ATP5F1C: variants seen among roughly 807,000 people sequenced by gnomAD.
ATP5F1C encodes ATP synthase F(1) complex subunit gamma, mitochondrial.
Under a neutral mutation model 37.4 loss-of-function variants are expected in ATP5F1C, and 22 were observed. The ratio of observed to expected loss-of-function variants is 0.59; its 90% CI spans 0.42 to 0.84. ATP5F1C has a LOEUF of 0.84. Among genes scored for constraint, ATP5F1C ranks in the 40% least tolerant of loss-of-function variants. The probability of loss-of-function intolerance (pLI) is 0.00; values close to 1 mark genes in which losing one functional copy is unlikely to be tolerated. For missense variants in ATP5F1C, 286 were observed against 362.4 expected (o/e 0.79, Z 1.71); for synonymous variants, 121 against 128.0 (o/e 0.95, Z 0.37).
chr10:7,805,979 A>G (rs906461048), intron 8 of ATP5F1C, among the ~76,000 whole-genome samples: 1 of 152,022 alleles, frequency 6.6e-6, no homozygotes, highest in African/African-American at 2.4e-5. Context: ...CTAGCTACTC[A>G]GGAAATTGAG....
intron 1 of ATP5F1C, among the ~76,000 whole-genome samples, chr10:7,793,106 T>A (rs148129839): frequency 2.8e-4 from 43 of 152,266 alleles, no homozygotes; most frequent in African/African-American, 1.0e-3. Context: ...TTTTGCCATC[T>A]GGTTGGTTTT....
At chr10:7,790,908 A>C (rs1032264926) in intron 1 of ATP5F1C, among the ~76,000 whole-genome samples, 9 of 152,256 alleles carry the variant, frequency 5.9e-5, no homozygotes, top group African/African-American at 2.2e-4. Flanking sequence ...ATAGGGATCC[A>C]AATGCTGTAT....
intron 1 of ATP5F1C, 131 bp downstream of exon 1, chr10:7,788,394 G>T: frequency 7.7e-7 from 1 of 1,303,444 alleles, no homozygotes; most frequent in Non-Finnish European, 1.1e-6. Flanking sequence ...TGGCCCGTCG[G>T]AGGCGCCGGG....
chr10:7,796,942 A>G, intron 2 of ATP5F1C, 105 bp from the exon 3 acceptor site: 1 of 1,252,080 alleles, frequency 8.0e-7, no homozygotes, highest in Non-Finnish European at 1.1e-6. Context: ...TTGTTTATCT[A>G]AGCGCTCATT....
intron 9 of ATP5F1C, 73 bp from the exon 10 acceptor site, chr10:7,807,583 GTAT>G: frequency 6.7e-7 from 1 of 1,483,838 alleles, no homozygotes; most frequent in South Asian, 1.2e-5. Flanking sequence ...ACTTAAATAT[GTAT>G]TATTATCTCT....
At chr10:7,802,032 A>G (rs1419453405) in intron 6 of ATP5F1C, among the ~76,000 whole-genome samples, 4 of 152,212 alleles carry the variant, frequency 2.6e-5, no homozygotes, top group Non-Finnish European at 1.5e-5. Flanking sequence ...TAATTTTTCT[A>G]AAGTTACACA....
chr10:7,794,552 G>A (rs1486173128), intron 1 of ATP5F1C, among the ~76,000 whole-genome samples: 2 of 151,356 alleles, frequency 1.3e-5, no homozygotes, highest in Non-Finnish European at 2.9e-5. Context: ...AGTTTGCTGA[G>A]AGACTTTTTC....
Position 7,797,000 on chromosome 10 carries a change from G to C in ATP5F1C, c.92-47G>C, listed in dbSNP as rs191262736. ...AATATGTCAATAAATTCACAAGGAAGTTATACTGTAATTCCTTTGTCTTAA... is the reference window on the plus strand; with the variant it reads ...AATATGTCAATAAATTCACAAGGAACTTATACTGTAATTCCTTTGTCTTAA... On this transcript the variant is annotated intron_variant, in intron 2 of 9. Transcript: ENST00000356708. The C allele has an allele frequency of 4.2e-5, 67 of 1,582,250 alleles. No individual in the cohort carries two copies. The East Asian group carries it at 1.5e-3, about 35-fold the overall frequency.
Position 7,799,498 on chromosome 10 carries a change from CA to C in ATP5F1C, c.429-273del, listed in dbSNP as rs1836309901. The C allele has an allele frequency of 7.2e-6, 4 of 559,176 alleles. No individual in the cohort carries two copies. The East Asian group carries it at 1.2e-4, about 17-fold the overall frequency. The allele number at this position is 559,176 out of a possible 1,614,324, so 34.6% of individuals were successfully genotyped here. ...AAATGAGGCATCTGAGGAGCTGTTA[CA>C]GCCTGGAAATGTTAGCAATAGTTCA... On this transcript the variant is annotated intron_variant, in intron 4 of 9. Transcript: ENST00000356708.
At chr10:7,793,382 G>A (rs1452896164) in intron 1 of ATP5F1C, among the ~76,000 whole-genome samples, 1 of 152,216 alleles carries the variant, frequency 6.6e-6, no homozygotes, top group Non-Finnish European at 1.5e-5. Flanking sequence ...AAAGTGCTGG[G>A]ATTATAGGCG....
chr10:7,798,913 A>C (rs1352631446), intron 3 of ATP5F1C, 77 bp from the exon 4 acceptor site: 3 of 1,385,516 alleles, frequency 2.2e-6, no homozygotes. Context: ...GAAATAACCA[A>C]CTGCTTTGTA....
intron 1 of ATP5F1C, among the ~76,000 whole-genome samples, chr10:7,790,958 C>T (rs1758647): frequency 0.13 from 20,027 of 152,132 alleles, 1,401 homozygotes; most frequent in South Asian, 0.2. Context: ...ACAGTTTCTA[C>T]ATCAAATGTA....
intron 8 of ATP5F1C, among the ~76,000 whole-genome samples, chr10:7,806,240 A>T (rs1197675378): frequency 2.0e-5 from 3 of 152,250 alleles, no homozygotes; most frequent in Non-Finnish European, 4.4e-5. Flanking sequence ...TTGAATATTT[A>T]AACATACTTG....
chr10:7,802,519 C>G, intron 7 of ATP5F1C, 94 bp downstream of exon 7: 1 of 1,398,264 alleles, frequency 7.2e-7, no homozygotes, highest in Non-Finnish European at 9.7e-7. Context: ...GTAGCATCAA[C>G]AACATTAACA....
At chr10:7,795,420 C>T (rs1181319948) in intron 1 of ATP5F1C, among the ~76,000 whole-genome samples, 2 of 152,082 alleles carry the variant, frequency 1.3e-5, no homozygotes, top group African/African-American at 2.4e-5. Flanking sequence ...CAGGAATTCT[C>T]TCATATTCAT....
intron 8 of ATP5F1C, among the ~76,000 whole-genome samples, chr10:7,806,196 G>A (rs1321771541): frequency 6.6e-6 from 1 of 152,186 alleles, no homozygotes; most frequent in Non-Finnish European, 1.5e-5. Flanking sequence ...GGGTTTGCAT[G>A]CTCTGTAACC....
intron 6 of ATP5F1C, among the ~76,000 whole-genome samples, chr10:7,800,871 G>T (rs1166076643): frequency 6.6e-6 from 1 of 152,188 alleles, no homozygotes; most frequent in Non-Finnish European, 1.5e-5. Context: ...GATAACTCCT[G>T]CTCTATTCTG....
intron 9 of ATP5F1C, 101 bp from the exon 10 acceptor site, chr10:7,807,558 A>C (rs1045771019): frequency 2.2e-6 from 3 of 1,376,120 alleles, no homozygotes; most frequent in Non-Finnish European, 3.0e-6. Flanking sequence ...GTGTAAATTC[A>C]GTTCTCTGTA....
At chr10:7,794,758 A>G (rs1434225065) in intron 1 of ATP5F1C, among the ~76,000 whole-genome samples, 1 of 152,224 alleles carries the variant, frequency 6.6e-6, no homozygotes, top group African/African-American at 2.4e-5. Flanking sequence ...ATTTGCTAAT[A>G]CACTGTTGAG....
Sources: gnomAD v4.1 joint callset for allele counts (sites outside exome capture counted in the v4.1 genomes callset) on GRCh38, gnomAD v4.1.1 for gene constraint, MANE v1.5 for transcripts, NCBI Gene and HGNC (gene_info 2026-07-23, HGNC 2026-07-21) for gene names.